SEMA3A: variants seen among roughly 807,000 people sequenced by gnomAD.
SEMA3A encodes the protein semaphorin-3A.
In SEMA3A, 29 loss-of-function variants were observed where a neutral mutation model predicts 97.9. The ratio of observed to expected loss-of-function variants is 0.30; its 90% CI spans 0.22 to 0.40. The LOEUF is 0.40. Ranked by LOEUF, SEMA3A falls within the 10% of genes least tolerant of loss-of-function variation. The pLI is 1.00. For synonymous variants in SEMA3A, 321 were observed against 323.7 expected (o/e 0.99, Z 0.09); for missense variants, 763 against 951.3 (o/e 0.80, Z 2.60).
At chr7:84,465,957 G>C (rs1197407215) in intron 1 of SEMA3A, among the ~76,000 whole-genome samples, 1 of 151,820 alleles carries the variant, frequency 6.6e-6, no homozygotes, top group African/African-American at 2.4e-5. Context: ...CCTTATAATG[G>C]CTTCACAATT....
chr7:84,421,056 C>G (rs923856896), intron 1 of SEMA3A, among the ~76,000 whole-genome samples: 1 of 151,804 alleles, frequency 6.6e-6, no homozygotes, highest in African/African-American at 2.4e-5. Flanking sequence ...TCTTGCTTCT[C>G]CAGTTCTTTT....
intron 6 of SEMA3A, among the ~76,000 whole-genome samples, chr7:84,038,195 T>G (rs1244419997): frequency 6.6e-6 from 1 of 152,106 alleles, no homozygotes; most frequent in East Asian, 1.9e-4. Context: ...AATTCCTGTA[T>G]GTATAGATTC....
At chr7:84,063,733 G>T (rs944213198) in intron 4 of SEMA3A, among the ~76,000 whole-genome samples, 1 of 135,676 alleles carries the variant, frequency 7.4e-6, no homozygotes, top group African/African-American at 2.7e-5. Flanking sequence ...AGAATAAAAA[G>T]AAATGAGCAA....
At chr7:84,425,878 C>CA (rs543736541) in intron 1 of SEMA3A, among the ~76,000 whole-genome samples, 4,347 of 45,740 alleles carry the variant, frequency 0.095, 136 homozygotes, top group East Asian at 0.27. Context: ...ACACACACAC[C>CA]CACACACACA....
intron 1 of SEMA3A, among the ~76,000 whole-genome samples, chr7:84,427,217 A>G (rs1174741361): frequency 6.6e-6 from 1 of 152,072 alleles, no homozygotes; most frequent in Non-Finnish European, 1.5e-5. Context: ...CCCTCTAACC[A>G]TCCCCCACAA....
Position 84,474,025 on chromosome 7 carries a change from A to G in SEMA3A, c.-246+18435T>C, listed in dbSNP as rs574696618. Among the ~76,000 whole-genome samples, 9 of 152,240 alleles carry G rather than the reference A, an allele frequency of 5.9e-5. No individual in the cohort carries two copies. The East Asian group carries it at 1.5e-3, about 26-fold the overall frequency. ...CTGTGTGTTTTCCATCACTGCAACA[A>G]TGGCTTTCGGTCTCATCTACTAAGA... is the stretch of plus-strand genomic sequence containing the variant. On this transcript the variant is annotated intron_variant, in intron 1 of 3. Coordinates refer to the SEMA3A transcript ENST00000424555.
intron 3 of SEMA3A, among the ~76,000 whole-genome samples, chr7:84,269,205 G>A (rs183779363): frequency 6.6e-6 from 1 of 152,108 alleles, no homozygotes; most frequent in East Asian, 1.9e-4. Flanking sequence ...TACAACTGGA[G>A]CACTCTGTTC....
At chr7:84,480,761 C>T (rs1806423356) in intron 1 of SEMA3A, among the ~76,000 whole-genome samples, 1 of 152,114 alleles carries the variant, frequency 6.6e-6, no homozygotes, top group Admixed American at 6.5e-5. Flanking sequence ...TAAGGATGTC[C>T]TATCAAACTG....
chr7:83,995,629 C>A (rs1446837476), intron 12 of SEMA3A, among the ~76,000 whole-genome samples: 1 of 152,092 alleles, frequency 6.6e-6, no homozygotes. Context: ...AATATGACTT[C>A]CATTTAAAAC....
chr7:84,438,798 C>T (rs1805200760), intron 1 of SEMA3A, among the ~76,000 whole-genome samples: 1 of 152,008 alleles, frequency 6.6e-6, no homozygotes, highest in Admixed American at 6.6e-5. Flanking sequence ...TGAGGTTTCA[C>T]AGTCCTTGGA....
chr7:84,390,530 C>T (rs1803513795), intron 1 of SEMA3A, among the ~76,000 whole-genome samples: 1 of 151,790 alleles, frequency 6.6e-6, no homozygotes, highest in Non-Finnish European at 1.5e-5. Flanking sequence ...TACTGTGCTA[C>T]TTGATTCAGT....
chr7:84,131,311 T>C (rs1795955479), intron 2 of SEMA3A, among the ~76,000 whole-genome samples: 1 of 152,076 alleles, frequency 6.6e-6, no homozygotes, highest in Non-Finnish European at 1.5e-5. Flanking sequence ...TAACTGTTGG[T>C]GGTTGGAATT....
rs781329444 is a variant in SEMA3A at position 84,129,195 on chromosome 7, G to A, written c.271-10C>T. 6.2e-7 allele frequency: 1 copy of A among 1,608,036 alleles called. No individual in the cohort carries two copies. Among genetic ancestry groups the A allele is most frequent in the Admixed American group, 1.7e-5 (1 of 59,982 alleles). Reference sequence around the variant, plus strand: ...ATACTGGCCACACAATCTAAGGACAGAGAATAAACATTGTTTTATGTCAAC... The same window carrying A: ...ATACTGGCCACACAATCTAAGGACAAAGAATAAACATTGTTTTATGTCAAC... On this transcript the variant is annotated splice_polypyrimidine_tract_variant and intron_variant, in intron 2 of 16. Coordinates refer to ENST00000265362, the MANE Select transcript of SEMA3A (RefSeq NM_006080.3).
rs1790712525 is a variant in SEMA3A at position 84,007,427 on chromosome 7, A to G, written c.1066T>C (p.Tyr356His). Reference sequence around the variant, plus strand: ...TAGTTGGGTCCATCCCTGTGGGCATATGGACCAAGGAACACCCTTCTCACA... The same window carrying G: ...TAGTTGGGTCCATCCCTGTGGGCATGTGGACCAAGGAACACCCTTCTCACA... The part of the protein sequence containing the change: ...SDVRRVFLGP[Y>H]AHRDGPNYQW... The change falls in exon 10 of 17, where the codon TAT becomes CAT. Residue 356 changes from tyrosine to histidine, a missense_variant. Around this residue, in one of 2 missense-constraint regions of SEMA3A, gnomAD observed 678 missense variants for 881.3 expected, o/e 0.77. Transcript: ENST00000265362. The G allele has an allele frequency of 1.9e-6, 3 of 1,608,760 alleles. No homozygotes were observed. In the African/African-American group the frequency reaches 4.0e-5, roughly 22 times the overall value.
At chr7:84,251,143 C>T (rs966148413) in intron 3 of SEMA3A, among the ~76,000 whole-genome samples, 12 of 152,172 alleles carry the variant, frequency 7.9e-5, no homozygotes, top group African/African-American at 2.9e-4. Flanking sequence ...CAAATTTCAA[C>T]ATATCTATGG....
intron 1 of SEMA3A, among the ~76,000 whole-genome samples, chr7:84,440,883 G>T (rs1374772323): frequency 1.3e-5 from 2 of 152,210 alleles, no homozygotes; most frequent in Non-Finnish European, 2.9e-5. Flanking sequence ...AATAGGCCAG[G>T]TGTGGTGGCT....
rs1806640444 is a variant in SEMA3A at position 84,488,475 on chromosome 7, C to A, written c.-246+3985G>T. ...TAAAGTCTTTGAAAGTGGTTGACAG[C>A]TCATTTTTTTTTTCACTGCTTTGCA... On this transcript the variant is annotated intron_variant, in intron 1 of 3. Transcript: ENST00000424555. Among the ~76,000 whole-genome samples, 3 of 151,690 alleles carry A rather than the reference C, an allele frequency of 2.0e-5. No individual in the cohort carries two copies. In the South Asian group the frequency reaches 6.2e-4, roughly 31 times the overall value.
At chr7:84,257,966 T>C (rs1799755290) in intron 3 of SEMA3A, among the ~76,000 whole-genome samples, 1 of 152,160 alleles carries the variant, frequency 6.6e-6, no homozygotes, top group Admixed American at 6.5e-5. Flanking sequence ...TTTCTTACTT[T>C]TTCTGTGACA....
intron 1 of SEMA3A, among the ~76,000 whole-genome samples, chr7:84,390,861 T>C (rs1015271526): frequency 6.6e-6 from 1 of 152,258 alleles, no homozygotes; most frequent in East Asian, 1.9e-4. Flanking sequence ...AAAATCAGAA[T>C]GGTGGCCTGT....
Sources: gnomAD v4.1 joint callset for allele counts (sites outside exome capture counted in the v4.1 genomes callset) on GRCh38, gnomAD v4.1.1 for gene constraint, gnomAD v4.1.1 regional missense constraint, MANE v1.5 for transcripts, NCBI Gene and HGNC (gene_info 2026-07-23, HGNC 2026-07-21) for gene names.